The following TENM1 variants were observed in gnomAD, a reference collection of about 807,000 sequenced individuals.
TENM1 encodes teneurin-1.
A neutral mutation model predicts 174.8 loss-of-function variants in TENM1; 35 were observed. The observed-to-expected ratio is 0.20, with a 90% CI of 0.15 to 0.27. TENM1 has a LOEUF of 0.27. Among genes scored for constraint, TENM1 ranks in the 10% least tolerant of loss-of-function variants. The pLI is 1.00. For missense variants in TENM1, 1,633 were observed against 2,130.1 expected (o/e 0.77, Z 4.59); for synonymous variants, 781 against 798.7 (o/e 0.98, Z 0.37).
chrX:124,953,029 A>C (rs988545886), intron 1 of TENM1, among the ~76,000 whole-genome samples: 4 of 111,715 alleles, frequency 3.6e-5, no homozygotes, highest in Non-Finnish European at 5.7e-5. Flanking sequence ...AATGAGAAAA[A>C]AGTGTTGAAA....
chrX:124,537,665 A>C (rs1489936460), intron 15 of TENM1, among the ~76,000 whole-genome samples: 2 of 112,127 alleles, frequency 1.8e-5, no homozygotes, highest in African/African-American at 3.2e-5. Flanking sequence ...GAGTGTGTGT[A>C]GTGGAGATGA....
intron 1 of TENM1, among the ~76,000 whole-genome samples, chrX:124,917,924 C>T (rs2057953938): frequency 8.9e-6 from 1 of 112,309 alleles, no homozygotes. Flanking sequence ...TCTCTACGCT[C>T]TGACATCAGC....
At chrX:124,381,028 G>A (rs753651952) in exon 32 of TENM1, 11 of 1,210,122 alleles carry the variant, frequency 9.1e-6, no homozygotes, top group Non-Finnish European at 1.1e-5. Flanking sequence ...TAAAATGTAG[G>A]TTTTCCAGGT....
intron 3 of TENM1, among the ~76,000 whole-genome samples, chrX:124,848,888 C>T (rs2056663426): frequency 9.0e-6 from 1 of 111,350 alleles, no homozygotes; most frequent in African/African-American, 3.3e-5. Flanking sequence ...AAACTATCAT[C>T]CTTGAGCACC....
At chrX:124,898,871 A>G (rs1382469154) in intron 1 of TENM1, among the ~76,000 whole-genome samples, 1 of 112,215 alleles carries the variant, frequency 8.9e-6, no homozygotes, top group Non-Finnish European at 1.9e-5. Flanking sequence ...ACTGACTCAT[A>G]AATTCTCTAA....
chrX:124,517,814 A>AAAAT, intron 18 of TENM1, among the ~76,000 whole-genome samples: 1 of 71,618 alleles, frequency 1.4e-5, no homozygotes, highest in African/African-American at 5.4e-5. Flanking sequence ...AAGTATAATA[A>AAAAT]AAATAAATAA....
the TENM1 span, among the ~76,000 whole-genome samples, chrX:125,113,561 G>GGAGA: frequency 9.0e-6 from 1 of 111,214 alleles, no homozygotes; most frequent in Non-Finnish European, 1.9e-5. Context: ...ATAAAGGGAT[G>GGAGA]GAGAAATAAT....
intron 22 of TENM1, among the ~76,000 whole-genome samples, chrX:124,471,493 T>TTATATAATATATAATATATAGTAA (rs889016412): frequency 1.6e-5 from 1 of 63,330 alleles, no homozygotes; most frequent in African/African-American, 6.9e-5. Context: ...ATATATAGTA[T>TTATATAATATATAATATATAGTAA]TATATAATAT....
chrX:124,996,799 C>G, the TENM1 span, among the ~76,000 whole-genome samples: 1 of 111,256 alleles, frequency 9.0e-6, no homozygotes, highest in East Asian at 2.8e-4. Context: ...GGAGGATATA[C>G]ATCAAGAGAA....
At chrX:125,008,259 C>T in the TENM1 span, among the ~76,000 whole-genome samples, 79 of 86,050 alleles carry the variant, frequency 9.2e-4, 1 homozygote, top group African/African-American at 4.3e-3. Flanking sequence ...AAATGTTAAA[C>T]GAAAAAAAAA....
intron 22 of TENM1, among the ~76,000 whole-genome samples, chrX:124,462,499 A>G (rs2061190158): frequency 9.2e-6 from 1 of 109,037 alleles, no homozygotes; most frequent in Non-Finnish European, 1.9e-5. Context: ...CCGAGTATTA[A>G]CATTCAGCAA....
rs2213590 is a variant in TENM1, at chrX:124,677,470, T to A, written c.1016-5635A>T. Among the ~76,000 whole-genome samples the A allele has an allele frequency of 8.6e-3, 960 of 111,529 alleles. 9 individuals are homozygous for A. The highest frequency in any genetic ancestry group is 0.03 in the African/African-American group (925 of 30,805). Reference sequence around the variant, plus strand: ...GGTAAAGTGGCTTTGGAAGACAATGTTGATATCTATCACTATTTAAATTGA... The same window carrying A: ...GGTAAAGTGGCTTTGGAAGACAATGATGATATCTATCACTATTTAAATTGA... On this transcript the variant is annotated intron_variant, in intron 5 of 31. Coordinates refer to ENST00000422452, the Ensembl canonical transcript of TENM1.
intron 25 of TENM1, among the ~76,000 whole-genome samples, chrX:124,418,401 G>C (rs1374575450): frequency 4.8e-5 from 5 of 103,170 alleles, no homozygotes. Flanking sequence ...ACCTCCTACA[G>C]ATCTTTATGC....
chrX:125,070,142 G>C, the TENM1 span, among the ~76,000 whole-genome samples: 1 of 109,733 alleles, frequency 9.1e-6, no homozygotes, highest in Non-Finnish European at 1.9e-5. Flanking sequence ...AGTGGGCCAG[G>C]ATCACGCCAC....
At chrX:124,590,893 T>C (rs2049720723) in intron 11 of TENM1, among the ~76,000 whole-genome samples, 2 of 112,248 alleles carry the variant, frequency 1.8e-5, no homozygotes, top group Non-Finnish European at 3.8e-5. Context: ...TAGAAGTACT[T>C]GTTTTATGAA....
the TENM1 span, among the ~76,000 whole-genome samples, chrX:125,059,204 C>T: frequency 9.0e-6 from 1 of 111,135 alleles, no homozygotes; most frequent in African/African-American, 3.3e-5. Context: ...AATAACACCC[C>T]ATTCTCTTAC....
At chrX:125,182,051 G>A in the TENM1 span, among the ~76,000 whole-genome samples, 3 of 111,137 alleles carry the variant, frequency 2.7e-5, no homozygotes, top group East Asian at 8.6e-4. Context: ...GAAGCCTGAA[G>A]TGGGTCTTGA....
At chrX:124,422,052 T>G in intron 24 of TENM1, among the ~76,000 whole-genome samples, 1 of 111,995 alleles carries the variant, frequency 8.9e-6, no homozygotes, top group South Asian at 3.7e-4. Context: ...ATGAAGCAAA[T>G]GAGTCATGAA....
chrX:125,060,181 TCACACACA>T, the TENM1 span, among the ~76,000 whole-genome samples: 1,855 of 93,775 alleles, frequency 0.02, 46 homozygotes, highest in African/African-American at 0.074. Flanking sequence ...TCTCTCTCTC[TCACACACA>T]CACACACACA....
Sources: gnomAD v4.1 joint callset for allele counts (sites outside exome capture counted in the v4.1 genomes callset) on GRCh38, gnomAD v4.1.1 for gene constraint, MANE v1.5 for transcripts, NCBI Gene and HGNC (gene_info 2026-07-23, HGNC 2026-07-21) for gene names.